The following THBS4 variants were observed in gnomAD, a reference collection of about 807,000 sequenced individuals.
THBS4 encodes thrombospondin 4.
In THBS4, 90 loss-of-function variants were observed where a neutral mutation model predicts 115.7. That is an observed-to-expected ratio of 0.78 (90% CI 0.66 to 0.93). The LOEUF (loss-of-function observed/expected upper bound fraction) is 0.93, where lower values mean the gene tolerates loss of function less well. Ranked by LOEUF, THBS4 falls within the 40% of genes least tolerant of loss-of-function variation. THBS4 has a pLI of 0.00. For missense variants in THBS4, 1,087 were observed against 1,232.7 expected (o/e 0.88, Z 1.77); for synonymous variants, 460 against 479.3 (o/e 0.96, Z 0.53).
At chr5:80,071,763 A>G (rs1834069474) in intron 13 of THBS4, 1 of 166,676 alleles carries the variant, frequency 6.0e-6, no homozygotes, top group Non-Finnish European at 1.3e-5. Flanking sequence ...ACCCATTTCC[A>G]GTGGTATATG....
chr5:80,067,064 A>G (rs1195094041), intron 9 of THBS4: 1 of 152,186 alleles, frequency 6.6e-6, no homozygotes, highest in Non-Finnish European at 1.5e-5. Flanking sequence ...TGCCAATAAA[A>G]CTGCATAAGA....
intron 2 of THBS4, among the ~76,000 whole-genome samples, chr5:79,999,448 A>G (rs1490467282): frequency 6.6e-6 from 1 of 152,186 alleles, no homozygotes; most frequent in Non-Finnish European, 1.5e-5. Flanking sequence ...TATGGTAGTA[A>G]TTGAAAAAGT....
At position 80,072,367 on chromosome 5, in the gene THBS4, A is replaced by T. The variant is rs767020644; in HGVS notation, c.1810A>T (p.Ser604Cys). Residue 604 changes from serine (S) to cysteine (C), a missense_variant, in exon 14 of 22, where the codon AGT (serine) becomes TGT (cysteine). Around this residue, in one of 3 missense-constraint regions of THBS4, gnomAD observed 979 missense variants for 1,103.7 expected, o/e 0.89. Transcript: ENST00000350881. ...DGDGVGDACD[S>C]CPDVSNPNQS... is the part of the protein sequence containing the mutation. ...TGATGGTGTGGGGGATGCCTGTGAC[A>T]GTTGTCCTGATGTCAGCAACCCTAA... 1.9e-6 allele frequency: 3 copies of T among 1,614,200 alleles called. No homozygotes were observed. Among genetic ancestry groups the T allele is most frequent in the Admixed American group, 1.7e-5 (1 of 60,028 alleles).
At chr5:80,005,743 G>A (rs1393017214) in intron 2 of THBS4, among the ~76,000 whole-genome samples, 4 of 151,272 alleles carry the variant, frequency 2.6e-5, no homozygotes, top group Non-Finnish European at 5.9e-5. Flanking sequence ...CACGGTACAC[G>A]GTATGTTTTG....
chr5:80,079,973 T>G lies in THBS4; in HGVS notation c.2580T>G (p.Ser860Arg), dbSNP rs770239465. The G allele has an allele frequency of 1.2e-6, 2 of 1,614,066 alleles. No homozygotes were observed. Among genetic ancestry groups the G allele is most frequent in the Middle Eastern group, 1.6e-4 (1 of 6,062 alleles). ...RNSLWHTGDT[S>R]DQVRLLWKDS... ...CCCTGTGGCACACGGGGGACACCAGTGACCAGGTCAGGCTGCTGTGGAAGG... is the reference window on the plus strand; with the variant it reads ...CCCTGTGGCACACGGGGGACACCAGGGACCAGGTCAGGCTGCTGTGGAAGG... Residue 860 changes from serine (S) to arginine (R), a missense_variant, in exon 20 of 22, where the codon AGT becomes AGG. Ser to Arg is a moderately radical substitution (Grantham distance 110). Coordinates refer to ENST00000350881, the MANE Select transcript of THBS4 (RefSeq NM_003248.6).
chr5:80,021,200 G>T (rs1832365844), intron 2 of THBS4, among the ~76,000 whole-genome samples: 1 of 152,026 alleles, frequency 6.6e-6, no homozygotes, highest in Non-Finnish European at 1.5e-5. Flanking sequence ...ACCATTTCAG[G>T]GGGTTCACGA....
At chr5:80,012,024 G>A (rs913045607) in intron 2 of THBS4, among the ~76,000 whole-genome samples, 1 of 151,996 alleles carries the variant, frequency 6.6e-6, no homozygotes, top group African/African-American at 2.4e-5. Context: ...ACCAAAGTAT[G>A]CTTATTACCT....
At chr5:80,077,999 C>A in intron 16 of THBS4, 50 bp from the exon 17 acceptor site, 1 of 1,439,954 alleles carries the variant, frequency 6.9e-7, no homozygotes, top group Non-Finnish European at 9.3e-7. Flanking sequence ...CAAGGAGTGG[C>A]GGTGGGTGTG....
In THBS4 at chr5:80,035,753, C is replaced by G; in HGVS notation, c.88+128C>G. On this transcript the variant is annotated intron_variant, in intron 1 of 21. Transcript: ENST00000350881. The surrounding 1 kb of genome is among the most constrained non-coding windows in gnomAD (Gnocchi z 4.6). ...CAGCCCCTCTCTGTCCCTCCCGGGC[C>G]CAATCAAAGCATATTGTGATTGGAG... The G allele has an allele frequency of 1.5e-6, 1 of 656,828 alleles. No individual in the cohort carries two copies. The highest frequency in any genetic ancestry group is 2.2e-6 in the Non-Finnish European group (1 of 461,136). 40.7% of individuals were successfully genotyped at this position (656,828 alleles called of 1,614,324 possible).
chr5:80,074,053 A>G (rs890094894), intron 15 of THBS4, among the ~76,000 whole-genome samples: 1 of 152,204 alleles, frequency 6.6e-6, no homozygotes, highest in African/African-American at 2.4e-5. Flanking sequence ...TCATAGGACC[A>G]TCGTGAAGAT....
chr5:80,074,164 A>C (rs982301472), intron 15 of THBS4: 3 of 152,206 alleles, frequency 2.0e-5, no homozygotes, highest in Non-Finnish European at 4.4e-5. Context: ...GCTCAGGAAA[A>C]CTTCACCATC....
chr5:80,028,329 CAG>C (rs1832519965), intron 2 of THBS4, among the ~76,000 whole-genome samples: 1 of 152,182 alleles, frequency 6.6e-6, no homozygotes, highest in African/African-American at 2.4e-5. Flanking sequence ...CTGCTTTCAA[CAG>C]AGTCACCAGT....
intron 7 of THBS4, 63 bp from the exon 8 acceptor site, chr5:80,061,632 T>A: frequency 6.6e-7 from 1 of 1,516,416 alleles, no homozygotes; most frequent in Admixed American, 2.1e-5. Context: ...TGCAAATAGA[T>A]GAAGAAAAGT....
chr5:80,015,640 G>T (rs1038563396), intron 2 of THBS4, among the ~76,000 whole-genome samples: 2 of 152,144 alleles, frequency 1.3e-5, no homozygotes, highest in Non-Finnish European at 2.9e-5. Context: ...ATGATTGCTG[G>T]TTGTCAACAT....
At chr5:80,041,643 A>G (rs1832906544) in intron 2 of THBS4, among the ~76,000 whole-genome samples, 1 of 152,192 alleles carries the variant, frequency 6.6e-6, no homozygotes, top group South Asian at 2.1e-4. Context: ...TTGTTGCCGT[A>G]GTGAGTTACT....
At chr5:80,043,551 C>G (rs904892973) in intron 2 of THBS4, among the ~76,000 whole-genome samples, 1 of 152,148 alleles carries the variant, frequency 6.6e-6, no homozygotes, top group East Asian at 1.9e-4. Context: ...CTTAAAACAC[C>G]TGAGTAGGAA....
Position 80,059,734 on chromosome 5 carries a change from C to T in THBS4, c.816C>T (p.Ser272=), listed in dbSNP as rs1395938767. 6.2e-7 allele frequency: 1 copy of T among 1,614,208 alleles called. No homozygotes were observed. The highest frequency in any genetic ancestry group is 1.1e-5 in the South Asian group (1 of 91,080). ...GPLKFQSPTP[S]TVVPPAPPAP... The stretch of plus-strand genomic sequence containing the variant: ...TCAAGTTTCAGTCTCCGACCCCAAG[C>T]ACGGTGGTGCCCCCGGCTCCCCCTG... The change falls in exon 7 of 22, where the codon AGC becomes AGT. Residue 272 remains serine, a synonymous_variant. Coordinates refer to ENST00000350881, the MANE Select transcript of THBS4 (RefSeq NM_003248.6).
Position 80,052,434 on chromosome 5 carries a change from C to A in THBS4, c.293-3351C>A, listed in dbSNP as rs1433729498. The A allele has an allele frequency of 2.6e-5, 4 of 152,142 alleles. No homozygotes were observed. The East Asian group carries it at 7.7e-4, about 29-fold the overall frequency. The allele number at this position is 152,142 out of a possible 1,614,324, so 9.4% of individuals were successfully genotyped here. A position where few individuals can be genotyped will look rare whatever the true frequency, so the allele number is the denominator to read the frequency against. On this transcript the variant is annotated intron_variant, in intron 2 of 21. Transcript: ENST00000350881. ...TATTTGTGTCTATTTCCCTCCATTC[C>A]ATTATTTTCTTCCTCTTCATACCAC...
intron 15 of THBS4, 123 bp downstream of exon 15, chr5:80,073,450 C>G (rs1743014686): frequency 7.3e-6 from 6 of 818,366 alleles, no homozygotes; most frequent in South Asian, 1.5e-5. Context: ...GTGGTGCAAT[C>G]TCGGCTCACT....
Sources: gnomAD v4.1 joint callset for allele counts (sites outside exome capture counted in the v4.1 genomes callset) on GRCh38, gnomAD v4.1.1 for gene constraint, gnomAD v4.1.1 regional missense constraint, Gnocchi (gnomAD v3.1) non-coding constraint, MANE v1.5 for transcripts, NCBI Gene and HGNC (gene_info 2026-07-23, HGNC 2026-07-21) for gene names.